PCDHGA5: variants seen among roughly 807,000 people sequenced by gnomAD.
The protein encoded by PCDHGA5 is protocadherin gamma subfamily A, 5.
In PCDHGA5, 36 loss-of-function variants were observed where a neutral mutation model predicts 56.7. The ratio of observed to expected loss-of-function variants is 0.64; its 90% CI spans 0.49 to 0.84. PCDHGA5 has a LOEUF of 0.84. Ranked by LOEUF, PCDHGA5 falls within the 40% of genes least tolerant of loss-of-function variation. The pLI is 0.00. For missense variants in PCDHGA5, 1,305 were observed against 1,201.5 expected, an observed-to-expected ratio of 1.09 and a Z score of -1.27; for synonymous variants, 563 against 520.2, an observed-to-expected ratio of 1.08 and a Z score of -1.12.
In PCDHGA5 at chr5:141,486,157, AG is replaced by A. The variant is rs1562110605; in HGVS notation, c.2422-8649del. 1 of 1,614,208 alleles carries A rather than the reference AG, an allele frequency of 6.2e-7. No homozygotes were observed. Among genetic ancestry groups the A allele is most frequent in the Admixed American group, 1.7e-5 (1 of 60,026 alleles). On this transcript the variant is annotated intron_variant, in intron 1 of 3. Coordinates refer to ENST00000518069, the MANE Select transcript of PCDHGA5 (RefSeq NM_018918.3). This position sits in a 1 kb window ranked among gnomAD's most constrained non-coding sequence, Gnocchi z 5.0. ...TGCGGGCTCGCGATGGGGGTTCTCC[AG>A]CCATGGAGCAACATTGCAGCCTTCG...
intron 1 of PCDHGA5, chr5:141,478,822 T>C: frequency 4.2e-6 from 6 of 1,444,070 alleles, no homozygotes; most frequent in Non-Finnish European, 5.5e-6. Flanking sequence ...AACTAACCAA[T>C]CTTGCTAAGG....
intron 1 of PCDHGA5, among the ~76,000 whole-genome samples, chr5:141,382,003 A>G (rs1271495792): frequency 6.6e-6 from 1 of 150,830 alleles, no homozygotes; most frequent in Non-Finnish European, 1.5e-5. Flanking sequence ...ATAATTTTGT[A>G]TTTTTAGTAG....
At chr5:141,403,094 A>G in intron 1 of PCDHGA5, 1 of 1,614,064 alleles carries the variant, frequency 6.2e-7, no homozygotes, top group Non-Finnish European at 8.5e-7. Flanking sequence ...TGTGGGCAAC[A>G]TCTCCAAGGA....
intron 1 of PCDHGA5, among the ~76,000 whole-genome samples, chr5:141,492,080 G>A (rs576661909): frequency 6.6e-6 from 1 of 152,352 alleles, no homozygotes; most frequent in African/African-American, 2.4e-5. Context: ...GCCGGCTCCG[G>A]CACGCTTCGC....
At position 141,487,179 on chromosome 5, in the gene PCDHGA5, C is replaced by T. The variant is rs768886732; in HGVS notation, c.2422-7628C>T. Reference sequence around the variant, plus strand: ...CTCTTAGTGTCCTTAGAGGAAGACACTCATCCAGTTGTCCCAGATCTTCGA... The same window carrying T: ...CTCTTAGTGTCCTTAGAGGAAGACATTCATCCAGTTGTCCCAGATCTTCGA... On this transcript the variant is annotated intron_variant, in intron 1 of 3. Transcript: ENST00000518069. This position sits in a 1 kb window ranked among gnomAD's most constrained non-coding sequence, Gnocchi z 5.0. 6.2e-6 allele frequency: 10 copies of T among 1,613,474 alleles called. No individual in the cohort carries two copies. Among genetic ancestry groups the T allele is most frequent in the Non-Finnish European group, 6.8e-6 (8 of 1,179,370 alleles).
chr5:141,404,081 G>A (rs1436868245), intron 1 of PCDHGA5: 10 of 1,613,302 alleles, frequency 6.2e-6, no homozygotes, highest in South Asian at 2.2e-5. Context: ...CCGAGACTCC[G>A]GGAAGAATGG....
Position 141,403,717 on chromosome 5 carries a change from G to A in PCDHGA5, c.2421+36966G>A, listed in dbSNP as rs1561689674. On this transcript the variant is annotated intron_variant, in intron 1 of 3. Transcript: ENST00000518069. Reference sequence around the variant, plus strand: ...ACCGAGTTAAAGTCCTTGAGAACGTGCCCCCAGGCACCTGGCTGCTTACTG... The same window carrying A: ...ACCGAGTTAAAGTCCTTGAGAACGTACCCCCAGGCACCTGGCTGCTTACTG... 3 of 1,613,936 alleles carry A rather than the reference G, an allele frequency of 1.9e-6. No homozygotes were observed. In the South Asian group the frequency reaches 3.3e-5, roughly 18 times the overall value.
intron 1 of PCDHGA5, among the ~76,000 whole-genome samples, chr5:141,456,276 C>T (rs1319517390): frequency 1.3e-5 from 2 of 152,146 alleles, no homozygotes; most frequent in South Asian, 4.1e-4. Flanking sequence ...CTACTTCCTG[C>T]TGAAAAGGGG....
Position 141,434,784 on chromosome 5 carries a change from AT to A in PCDHGA5, c.2422-60014del, listed in dbSNP as rs201914459. On this transcript the variant is annotated intron_variant, in intron 1 of 3. Transcript: ENST00000518069. The stretch of plus-strand genomic sequence containing the variant: ...ACTTCACACTTCTAAAAAAAAAAAA[AT>A]TTTTTTTTCTGAGCTTGGAGAAATA... Among the ~76,000 whole-genome samples the A allele has an allele frequency of 3.3e-4, 49 of 150,342 alleles. 1 individual carries two copies. Among genetic ancestry groups the A allele is most frequent in the Middle Eastern group, 3.4e-3 (1 of 290 alleles).
At chr5:141,394,140 G>T (rs2092926485) in intron 1 of PCDHGA5, 1 of 1,613,868 alleles carries the variant, frequency 6.2e-7, no homozygotes, top group Non-Finnish European at 8.5e-7. Flanking sequence ...TCTGCACGTG[G>T]CAGACATTAA....
chr5:141,492,934 G>A (rs1382515835), intron 1 of PCDHGA5, among the ~76,000 whole-genome samples: 7 of 152,236 alleles, frequency 4.6e-5, no homozygotes, highest in Admixed American at 4.6e-4. Flanking sequence ...TAGGGTCAGA[G>A]ATTTGGAGGT....
intron 1 of PCDHGA5, chr5:141,370,906 A>C (rs918888643): frequency 9.3e-6 from 15 of 1,613,840 alleles, no homozygotes; most frequent in Non-Finnish European, 1.3e-5. Context: ...CAGCAGTACT[A>C]CCTCAGCCCT....
At chr5:141,409,954 C>T (rs774233531) in intron 1 of PCDHGA5, 3 of 1,613,356 alleles carry the variant, frequency 1.9e-6, no homozygotes, top group South Asian at 1.1e-5. Flanking sequence ...CTGCAGAGCC[C>T]GGCTACCTAG....
In PCDHGA5 at chr5:141,491,406, C is replaced by G. The variant is rs773729429; in HGVS notation, c.2422-3401C>G. On this transcript the variant is annotated intron_variant, in intron 1 of 3. Transcript: ENST00000518069. This position sits in a 1 kb window ranked among gnomAD's most constrained non-coding sequence, Gnocchi z 6.9. ...CGAAGTGCCTTCAGGGAAACGCAGA[C>G]GGGGACGGGGGTGGAGGGCAGTGCT... 9 of 1,613,978 alleles carry G rather than the reference C, an allele frequency of 5.6e-6. No homozygotes were observed.
intron 1 of PCDHGA5, among the ~76,000 whole-genome samples, chr5:141,380,760 A>C (rs1264111789): frequency 6.6e-6 from 1 of 152,232 alleles, no homozygotes; most frequent in Non-Finnish European, 1.5e-5. Context: ...AGACACTATA[A>C]ATTAATTGAG....
chr5:141,441,739 C>T, intron 1 of PCDHGA5: 1 of 365,272 alleles, frequency 2.7e-6, no homozygotes, highest in South Asian at 2.2e-5. Context: ...GACTAGCTCG[C>T]GCTCGGCGTC....
intron 1 of PCDHGA5, among the ~76,000 whole-genome samples, chr5:141,438,629 TATATATACACAC>T (rs1343412075): frequency 0.05 from 2,378 of 47,602 alleles, 22 homozygotes; most frequent in African/African-American, 0.12. Context: ...TATATATATA[TATATATACACAC>T]ACACACACAC....
In PCDHGA5 at chr5:141,364,267, T is replaced by C; in HGVS notation, c.-64T>C. The C allele has an allele frequency of 6.6e-7, 1 of 1,511,636 alleles. No homozygotes were observed. The highest frequency in any genetic ancestry group is 8.8e-7 in the Non-Finnish European group (1 of 1,131,772). 93.6% of individuals were successfully genotyped at this position (1,511,636 alleles called of 1,614,324 possible). ...GTCAGGGAATATGTACCCATCGGCTTTAGATAAATAAGGAAACAGCAGGCT... is the reference window on the plus strand; with the variant it reads ...GTCAGGGAATATGTACCCATCGGCTCTAGATAAATAAGGAAACAGCAGGCT... On this transcript the variant is annotated 5_prime_UTR_variant, in exon 1 of 4. Transcript: ENST00000518069.
chr5:141,441,362 G>A (rs1489202253), intron 1 of PCDHGA5: 1 of 152,484 alleles, frequency 6.6e-6, no homozygotes, highest in Non-Finnish European at 1.5e-5. Context: ...AACAAATGGG[G>A]CCGTGGACCA....
Sources: allele counts gnomAD v4.1 joint callset (sites outside exome capture counted in the v4.1 genomes callset), GRCh38; gene constraint gnomAD v4.1.1; non-coding constraint Gnocchi (gnomAD v3.1); transcripts MANE v1.5; gene names NCBI Gene and HGNC (gene_info 2026-07-23, HGNC 2026-07-21).